The following HADH variants were observed in gnomAD, a reference collection of about 807,000 sequenced individuals.
HADH encodes hydroxyacyl-CoA dehydrogenase.
A neutral mutation model predicts 32.2 loss-of-function variants in HADH; 24 were observed. The ratio of observed to expected loss-of-function variants is 0.75; its 90% CI spans 0.54 to 1.05. The LOEUF (loss-of-function observed/expected upper bound fraction) is 1.05, where lower values mean the gene tolerates loss of function less well. Ranked by LOEUF, HADH falls within the 50% of genes least tolerant of loss-of-function variation. The pLI is 0.00. For synonymous variants in HADH, 139 were observed against 152.5 expected, an observed-to-expected ratio of 0.91 and a Z score of 0.65; for missense variants, 350 against 397.1, an observed-to-expected ratio of 0.88 and a Z score of 1.01.
chr4:108,033,846 C>T (rs1328986036), intron 7 of HADH, among the ~76,000 whole-genome samples: 3 of 152,230 alleles, frequency 2.0e-5, no homozygotes, highest in Non-Finnish European at 2.9e-5. Flanking sequence ...TATGTGGATG[C>T]AAAATACCAA....
intron 6 of HADH, chr4:108,028,666 G>A: frequency 2.6e-6 from 1 of 391,408 alleles, no homozygotes; most frequent in Non-Finnish European, 4.5e-6. Context: ...AACAGTTCTG[G>A]TTTATCTATC....
At chr4:108,010,653 A>T (rs188085422) in intron 2 of HADH, among the ~76,000 whole-genome samples, 13 of 152,090 alleles carry the variant, frequency 8.5e-5, no homozygotes, top group Admixed American at 6.5e-4. Flanking sequence ...GCTTTTAAAA[A>T]TTTTTTTATT....
At chr4:108,002,493 G>A (rs1578246451) in intron 1 of HADH, among the ~76,000 whole-genome samples, 1 of 152,148 alleles carries the variant, frequency 6.6e-6, no homozygotes, top group African/African-American at 2.4e-5. Flanking sequence ...GTATTGTGGT[G>A]AGATGTATAA....
At chr4:108,027,455 C>T (rs1736104976) in intron 5 of HADH, 1 of 580,338 alleles carries the variant, frequency 1.7e-6, no homozygotes, top group Non-Finnish European at 3.1e-6. Context: ...GTCTTTATGT[C>T]AGGATCTGTG....
chr4:108,014,803 C>T (rs1418371420), intron 3 of HADH, among the ~76,000 whole-genome samples: 6 of 152,130 alleles, frequency 3.9e-5, no homozygotes, highest in Non-Finnish European at 7.3e-5. Flanking sequence ...GCCACCCTCC[C>T]ACCTTTTGAA....
chr4:107,996,354 A>G (rs542253005), intron 1 of HADH, among the ~76,000 whole-genome samples: 38 of 152,320 alleles, frequency 2.5e-4, no homozygotes, highest in African/African-American at 9.1e-4. Flanking sequence ...ATTCTTAAAT[A>G]TAACGATGCT....
chr4:108,013,122 G>A (rs1735560478), intron 2 of HADH, among the ~76,000 whole-genome samples: 1 of 152,192 alleles, frequency 6.6e-6, no homozygotes, highest in Non-Finnish European at 1.5e-5. Context: ...TAGTGGAGAC[G>A]GGGTTTCACC....
At chr4:108,014,614 T>A (rs7677408) in intron 3 of HADH, 26 bp downstream of exon 3, 2 of 1,413,056 alleles carry the variant, frequency 1.4e-6, no homozygotes, top group Non-Finnish European at 2.0e-6. Context: ...ACAATCTTCT[T>A]TTTTTTTTTT....
At position 108,034,381 on chromosome 4, in the gene HADH, A is replaced by T; in HGVS notation, c.*24A>T. On this transcript the variant is annotated 3_prime_UTR_variant, in exon 8 of 8. Transcript: ENST00000309522. ...GATGTGCAGCTTCTCCGGCTCTGAG[A>T]AGAACACCTGAGAGCGCTTTCCAGC... 7.2e-7 allele frequency: 1 copy of T among 1,388,556 alleles called. No homozygotes were observed. Among genetic ancestry groups the T allele is most frequent in the Non-Finnish European group, 1.0e-6 (1 of 973,904 alleles). The allele number at this position is 1,388,556 out of a possible 1,614,324, so 86.0% of individuals were successfully genotyped here. A position where few individuals can be genotyped will look rare whatever the true frequency, so the allele number is the denominator to read the frequency against.
intron 6 of HADH, chr4:108,032,236 A>T: frequency 1.4e-6 from 1 of 707,106 alleles, no homozygotes. Flanking sequence ...AAGGGAACAG[A>T]TTGTTCTCCA....
chr4:108,014,765 G>T (rs1007093230), intron 3 of HADH, among the ~76,000 whole-genome samples, 177 bp downstream of exon 3: 7 of 152,108 alleles, frequency 4.6e-5, no homozygotes, highest in Non-Finnish European at 7.3e-5. Flanking sequence ...AGTGAACACT[G>T]TACCCAATAG....
At chr4:108,014,900 A>C (rs1735642899) in intron 3 of HADH, among the ~76,000 whole-genome samples, 1 of 152,070 alleles carries the variant, frequency 6.6e-6, no homozygotes, top group Non-Finnish European at 1.5e-5. Flanking sequence ...ATGGTATTTG[A>C]CTGAGTTGTT....
At chr4:107,990,166 C>A in intron 1 of HADH, 102 bp downstream of exon 1, 1 of 1,268,424 alleles carries the variant, frequency 7.9e-7, no homozygotes, top group Non-Finnish European at 1.1e-6. Context: ...CGCCCGACAC[C>A]AGGGAGTTTT....
intron 5 of HADH, chr4:108,026,032 AGTTT>A (rs1736058144): frequency 6.6e-6 from 1 of 151,948 alleles, no homozygotes; most frequent in South Asian, 2.1e-4. Flanking sequence ...ATTACTAGTG[AGTTT>A]ATTTATTTAT....
chr4:108,008,326 C>T (rs983500921), intron 1 of HADH, among the ~76,000 whole-genome samples: 1 of 152,182 alleles, frequency 6.6e-6, no homozygotes, highest in Non-Finnish European at 1.5e-5. Flanking sequence ...GTTTTCATGC[C>T]TTGGTTCCCA....
chr4:107,996,954 C>T (rs980242986), intron 1 of HADH, among the ~76,000 whole-genome samples: 16 of 150,556 alleles, frequency 1.1e-4, no homozygotes, highest in African/African-American at 3.7e-4. Flanking sequence ...ACATCCTCAA[C>T]AGAACAGCTT....
intron 6 of HADH, chr4:108,028,771 T>G (rs1417005825): frequency 2.5e-6 from 1 of 397,188 alleles, no homozygotes; most frequent in Non-Finnish European, 4.4e-6. Context: ...TTTAACAAAA[T>G]GTAATGTTTT....
intron 5 of HADH, chr4:108,025,404 T>C (rs1313943886): frequency 6.6e-6 from 1 of 152,142 alleles, no homozygotes; most frequent in Non-Finnish European, 1.5e-5. Context: ...TGCCTCAGTG[T>C]CCTCATGCTT....
At chr4:108,010,994 G>A (rs62311426) in intron 2 of HADH, among the ~76,000 whole-genome samples, 6,179 of 151,938 alleles carry the variant, frequency 0.041, 134 homozygotes, top group Non-Finnish European at 0.057. Flanking sequence ...GATTACAGGC[G>A]CACGCCACCA....
Sources: allele counts gnomAD v4.1 joint callset (sites outside exome capture counted in the v4.1 genomes callset), GRCh38; gene constraint gnomAD v4.1.1; transcripts MANE v1.5; gene names NCBI Gene and HGNC (gene_info 2026-07-23, HGNC 2026-07-21).